The following HAUS6 variants were observed in gnomAD, a reference collection of about 807,000 sequenced individuals.
HAUS6 encodes the protein HAUS augmin-like complex subunit 6.
Under a neutral mutation model 106.8 loss-of-function variants are expected in HAUS6, and 80 were observed. The ratio of observed to expected loss-of-function variants is 0.75; its 90% CI spans 0.63 to 0.90. The LOEUF is 0.90. Among genes scored for constraint, HAUS6 ranks in the 40% least tolerant of loss-of-function variants. HAUS6 has a pLI of 0.00. For synonymous variants in HAUS6, 356 were observed against 379.1 expected (o/e 0.94, Z 0.71); for missense variants, 1,155 against 1,118.1 (o/e 1.03, Z -0.47).
chr9:19,084,292 T>C (rs893147288), intron 7 of HAUS6, among the ~76,000 whole-genome samples: 9 of 152,326 alleles, frequency 5.9e-5, no homozygotes, highest in Admixed American at 3.9e-4. Flanking sequence ...CTGGCATTTA[T>C]ATGAAGTTCA....
chr9:19,092,434 G>A (rs10963959), intron 4 of HAUS6, among the ~76,000 whole-genome samples: 4,670 of 151,778 alleles, frequency 0.031, 102 homozygotes, highest in Middle Eastern at 0.065. Context: ...TGACCAACAG[G>A]GAGAAACCCC....
rs1836437864 is a variant in HAUS6 at position 19,054,951 on chromosome 9, T to A, written c.*1392A>T. On this transcript the variant is annotated 3_prime_UTR_variant, in exon 17 of 17. Coordinates refer to ENST00000380502, the MANE Select transcript of HAUS6 (RefSeq NM_017645.5). ...AAGGTTTCCCCATAGACCTGCATAG[T>A]CCCTGATTTGTTTTATTAACTAATA... The A allele has an allele frequency of 6.6e-6, 1 of 152,234 alleles. No individual in the cohort carries two copies. The highest frequency in any genetic ancestry group is 6.5e-5 in the Admixed American group (1 of 15,278). 9.4% of individuals were successfully genotyped at this position (152,234 alleles called of 1,614,324 possible). A position where few individuals can be genotyped will look rare whatever the true frequency, so the allele number is the denominator to read the frequency against.
intron 14 of HAUS6, 92 bp downstream of exon 14, chr9:19,062,916 G>A (rs544877469): frequency 7.1e-5 from 69 of 968,204 alleles, no homozygotes; most frequent in East Asian, 5.1e-4. Flanking sequence ...TCCTCTTGCC[G>A]AAACCTCCCC....
chr9:19,060,802 A>C (rs1267907203), intron 14 of HAUS6, among the ~76,000 whole-genome samples: 1 of 152,234 alleles, frequency 6.6e-6, no homozygotes, highest in African/African-American at 2.4e-5. Flanking sequence ...AAAAAGAAAA[A>C]ACATGCAAAT....
intron 11 of HAUS6, 142 bp downstream of exon 11, chr9:19,076,460 T>C: frequency 1.5e-6 from 1 of 651,740 alleles, no homozygotes; most frequent in Non-Finnish European, 2.7e-6. Flanking sequence ...ATAACTGAAA[T>C]TGTGAATTTT....
At chr9:19,095,754 T>C (rs537143218) in intron 2 of HAUS6, among the ~76,000 whole-genome samples, 1 of 152,268 alleles carries the variant, frequency 6.6e-6, no homozygotes, top group South Asian at 2.1e-4. Flanking sequence ...TTTGAACACT[T>C]TTTTAGATAG....
Position 19,063,017 on chromosome 9 carries a change from C to T in HAUS6, c.1620G>A (p.Leu540=). 1 of 1,608,562 alleles carries T rather than the reference C, an allele frequency of 6.2e-7. No individual in the cohort carries two copies. The highest frequency in any genetic ancestry group is 8.5e-7 in the Non-Finnish European group (1 of 1,177,034). Residue 540 remains leucine (L), a synonymous_variant, in exon 14 of 17, where the codon CTG becomes CTA. Coordinates refer to ENST00000380502, the MANE Select transcript of HAUS6 (RefSeq NM_017645.5). The part of the protein sequence containing the change: ...SDPFQKEQDH[L]VEEVARAVLS... The stretch of plus-strand genomic sequence containing the variant: ...TACAGTCTTTTCTCACCTCTTCTAC[C>T]AGATGATCTTGCTCTTTTTGAAATG...
chr9:19,085,948 G>C (rs1047679426), intron 7 of HAUS6, among the ~76,000 whole-genome samples: 5 of 151,456 alleles, frequency 3.3e-5, no homozygotes, highest in Non-Finnish European at 7.4e-5. Flanking sequence ...AAGTGTTTTA[G>C]AGGCACTCTA....
chr9:19,099,327 C>G (rs374051155), intron 1 of HAUS6, among the ~76,000 whole-genome samples: 1 of 151,886 alleles, frequency 6.6e-6, no homozygotes, highest in Non-Finnish European at 1.5e-5. Context: ...CCAACACGCC[C>G]GGCTAATTTT....
At chr9:19,084,378 A>G (rs192955411) in intron 7 of HAUS6, among the ~76,000 whole-genome samples, 8 of 152,322 alleles carry the variant, frequency 5.3e-5, no homozygotes, top group Admixed American at 5.2e-4. Context: ...TGTAAACTAA[A>G]CAGGTTCAAG....
rs148483833 is a variant in HAUS6 at position 19,093,193 on chromosome 9, T to G, written c.414A>C (p.Lys138Asn). 1.1e-4 allele frequency: 183 copies of G among 1,591,430 alleles called. No homozygotes were observed. In the African/African-American group the frequency reaches 2.1e-3, roughly 18 times the overall value. The change falls in exon 4 of 17, where the codon AAA (lysine) becomes AAC (asparagine). Residue 138 changes from lysine (K) to asparagine (N), a missense_variant. Transcript: ENST00000380502. ...TACTTTTAGAATTGGATTTAATATA[T>G]TTCATTGCAACAAATCTTGCAAAAT... ...MYHFARFVAM[K>N]YIKSNSKNSS...
At chr9:19,099,402 G>A (rs1564023592) in intron 1 of HAUS6, among the ~76,000 whole-genome samples, 2 of 152,186 alleles carry the variant, frequency 1.3e-5, no homozygotes, top group Middle Eastern at 3.4e-3. Context: ...TCCTGACCTC[G>A]TGATCCGCCC....
intron 12 of HAUS6, among the ~76,000 whole-genome samples, chr9:19,069,405 T>C (rs571728539): frequency 1.2e-4 from 18 of 152,190 alleles, no homozygotes; most frequent in African/African-American, 4.3e-4. Context: ...AAGGGCAAAA[T>C]TGGCCGGGTG....
intron 15 of HAUS6, among the ~76,000 whole-genome samples, chr9:19,059,565 T>C (rs939838237): frequency 4.6e-5 from 7 of 152,348 alleles, no homozygotes; most frequent in African/African-American, 1.7e-4. Flanking sequence ...ACAGAAATTA[T>C]TTAATTACTC....
At chr9:19,081,102 G>GA (rs998926608) in intron 8 of HAUS6, among the ~76,000 whole-genome samples, 2 of 147,182 alleles carry the variant, frequency 1.4e-5, no homozygotes, top group East Asian at 3.9e-4. Context: ...AAAGCGGGGG[G>GA]AAAAAAATCA....
rs754844105 is a variant in HAUS6 at position 19,058,783 on chromosome 9, A to C, written c.1984T>G (p.Cys662Gly). 6.2e-7 allele frequency: 1 copy of C among 1,614,214 alleles called. No homozygotes were observed. Among genetic ancestry groups the C allele is most frequent in the Non-Finnish European group, 8.5e-7 (1 of 1,180,024 alleles). ...ACATGTTTCTGAGGCACACACTCGC[A>C]ATCTGAAATAACTTTCTCTTCAGTC... ...HLTEEKVISD[C>G]ECVPQKHVLT... Residue 662 changes from cysteine to glycine, a missense_variant, in exon 16 of 17, where the codon TGC (cysteine) becomes GGC (glycine). Cys to Gly is a radical substitution (Grantham distance 159). Coordinates refer to ENST00000380502, the MANE Select transcript of HAUS6 (RefSeq NM_017645.5).
At position 19,093,184 on chromosome 9, in the gene HAUS6, T is replaced by G. The variant is rs537558782; in HGVS notation, c.423A>C (p.Lys141Asn). The change falls in exon 4 of 17, where the codon AAA becomes AAC. Residue 141 changes from lysine to asparagine, a missense_variant. Transcript: ENST00000380502. The part of the protein sequence containing the change: ...FARFVAMKYI[K>N]SNSKNSSHHF... ...AGTTGAACTTACTTTTAGAATTGGA[T>G]TTAATATATTTCATTGCAACAAATC... The G allele has an allele frequency of 8.3e-6, 13 of 1,571,478 alleles. No homozygotes were observed. The South Asian group carries it at 1.4e-4, about 17-fold the overall frequency.
At chr9:19,082,763 A>C in intron 8 of HAUS6, 110 bp downstream of exon 8, 1 of 567,324 alleles carries the variant, frequency 1.8e-6, no homozygotes, top group Non-Finnish European at 2.6e-6. Context: ...AAAAAAAAAC[A>C]AAAAACAAAA....
rs765450053 is a variant in HAUS6 at position 19,093,221 on chromosome 9, T to C, written c.386A>G (p.Tyr129Cys). The change falls in exon 4 of 17, where the codon TAT (tyrosine) becomes TGT (cysteine). Residue 129 changes from tyrosine (Y) to cysteine (C), a missense_variant. Transcript: ENST00000380502. Reference protein sequence around the residue: ...PGGPKFIHLMYHFARFVAMKY... With the variant: ...PGGPKFIHLMCHFARFVAMKY... The stretch of plus-strand genomic sequence containing the variant: ...CATTGCAACAAATCTTGCAAAATGA[T>C]ACATCAGATGAATAAACTTAGGACC... 9.0e-5 allele frequency: 145 copies of C among 1,606,752 alleles called. No homozygotes were observed. The highest frequency in any genetic ancestry group is 1.7e-4 in the Middle Eastern group (1 of 6,060).
Sources: gnomAD v4.1 joint callset for allele counts (sites outside exome capture counted in the v4.1 genomes callset) on GRCh38, gnomAD v4.1.1 for gene constraint, MANE v1.5 for transcripts, NCBI Gene and HGNC (gene_info 2026-07-23, HGNC 2026-07-21) for gene names.